CORO2B: variants seen among roughly 807,000 people sequenced by gnomAD.
CORO2B encodes the protein coronin 2B, also known as coronin-2B.
A neutral mutation model predicts 58.8 loss-of-function variants in CORO2B; 26 were observed. The ratio of observed to expected loss-of-function variants is 0.44; its 90% CI spans 0.32 to 0.61. The LOEUF (loss-of-function observed/expected upper bound fraction) is 0.61, where lower values mean the gene tolerates loss of function less well. Among genes scored for constraint, CORO2B ranks in the 20% least tolerant of loss-of-function variants. CORO2B has a pLI of 0.04. For missense variants in CORO2B, 460 were observed against 645.1 expected, an observed-to-expected ratio of 0.71 and a Z score of 3.11; for synonymous variants, 242 against 253.8, an observed-to-expected ratio of 0.95 and a Z score of 0.44.
chr15:68,531,135 C>A, the CORO2B span, among the ~76,000 whole-genome samples: 1 of 152,074 alleles, frequency 6.6e-6, no homozygotes, highest in East Asian at 1.9e-4. Flanking sequence ...TTTCCCCCAC[C>A]CATCCTTTAT....
chr15:68,671,669 C>T (rs544950253), intron 2 of CORO2B, among the ~76,000 whole-genome samples: 11 of 152,202 alleles, frequency 7.2e-5, no homozygotes, highest in Non-Finnish European at 1.2e-4. Flanking sequence ...GGCCTCACTT[C>T]CTTGCAGGCT....
the CORO2B span, among the ~76,000 whole-genome samples, chr15:68,556,603 TG>T: frequency 6.6e-6 from 1 of 152,186 alleles, no homozygotes; most frequent in African/African-American, 2.4e-5. Context: ...GTGTGTGGAG[TG>T]GCTGAAGCCC....
intron 1 of CORO2B, among the ~76,000 whole-genome samples, chr15:68,605,977 A>G (rs370825894): frequency 4.2e-4 from 63 of 150,960 alleles, no homozygotes; most frequent in African/African-American, 1.5e-3. Context: ...GCCCACCTTG[A>G]CCTCCCAAAG....
chr15:68,589,895 G>A (rs1370044565), intron 1 of CORO2B, among the ~76,000 whole-genome samples: 1 of 152,200 alleles, frequency 6.6e-6, no homozygotes, highest in East Asian at 1.9e-4. Context: ...CAACCATCAG[G>A]CTGCGGCTGC....
chr15:68,701,461 G>A (rs1290503754), intron 3 of CORO2B, among the ~76,000 whole-genome samples: 2 of 123,722 alleles, frequency 1.6e-5, no homozygotes, highest in Admixed American at 1.9e-4. Context: ...ACAGGCGCCT[G>A]CAACCACGCC....
intron 2 of CORO2B, among the ~76,000 whole-genome samples, chr15:68,677,983 C>A (rs79805870): frequency 6.6e-6 from 1 of 152,192 alleles, no homozygotes; most frequent in African/African-American, 2.4e-5. Context: ...TCCTGCCTCT[C>A]GGAGGCCTGG....
rs976683819 is a variant in CORO2B at position 68,726,039 on chromosome 15, C to T, written c.*65C>T. 1.9e-6 allele frequency: 3 copies of T among 1,593,038 alleles called. No homozygotes were observed. The highest frequency in any genetic ancestry group is 1.3e-5 in the African/African-American group (1 of 74,638). ...GTTTCTACTCATCCCTTAACTTCTC[C>T]CTTACCAGTGACCCCAGAGACAGAG... On this transcript the variant is annotated 3_prime_UTR_variant, in exon 12 of 12. Transcript: ENST00000261861.
At chr15:68,525,362 G>A in the CORO2B span, among the ~76,000 whole-genome samples, 1 of 152,176 alleles carries the variant, frequency 6.6e-6, no homozygotes, top group African/African-American at 2.4e-5. Flanking sequence ...GGAAAAGTCA[G>A]GAAGGACTAC....
At chr15:68,584,325 T>C (rs2140558802) in intron 1 of CORO2B, among the ~76,000 whole-genome samples, 1 of 152,310 alleles carries the variant, frequency 6.6e-6, no homozygotes, top group African/African-American at 2.4e-5. Flanking sequence ...AGGCCCTGTG[T>C]TCCCCTCCCC....
chr15:68,547,060 C>T, the CORO2B span, among the ~76,000 whole-genome samples: 2 of 151,968 alleles, frequency 1.3e-5, no homozygotes, highest in Non-Finnish European at 2.9e-5. Flanking sequence ...GCAGAAATCA[C>T]AGCAAATAAA....
intron 1 of CORO2B, among the ~76,000 whole-genome samples, chr15:68,605,714 T>TG (rs1900096903): frequency 8.5e-6 from 1 of 117,976 alleles, no homozygotes; most frequent in African/African-American, 3.2e-5. Flanking sequence ...CTCTTGGGTT[T>TG]TTTTTTTTTT....
At chr15:68,629,761 T>C (rs1666605290) in intron 1 of CORO2B, among the ~76,000 whole-genome samples, 1 of 151,490 alleles carries the variant, frequency 6.6e-6, no homozygotes, top group South Asian at 2.1e-4. Context: ...TTGAGAACCC[T>C]GACCTCATGA....
intron 1 of CORO2B, among the ~76,000 whole-genome samples, chr15:68,594,780 G>C (rs1899786648): frequency 6.6e-6 from 1 of 152,174 alleles, no homozygotes; most frequent in Admixed American, 6.5e-5. Context: ...GGGATTCCTG[G>C]AGAGGACAGA....
chr15:68,710,422 G>A lies in CORO2B; in HGVS notation c.334-310G>A, dbSNP rs540498622. ...CTTTTTAACACAACATTTGCTAAAA[G>A]GGGCTCATGCATGTTCTTCTTATCC... On this transcript the variant is annotated intron_variant, in intron 3 of 11. Transcript: ENST00000261861. The surrounding 1 kb of genome is among the most constrained non-coding windows in gnomAD (Gnocchi z 4.1). Among the ~76,000 whole-genome samples the A allele has an allele frequency of 6.6e-6, 1 of 152,270 alleles. No individual in the cohort carries two copies. Among genetic ancestry groups the A allele is most frequent in the African/African-American group, 2.4e-5 (1 of 41,480 alleles).
At chr15:68,669,734 T>G (rs1001244023) in intron 2 of CORO2B, among the ~76,000 whole-genome samples, 1 of 152,096 alleles carries the variant, frequency 6.6e-6, no homozygotes, top group South Asian at 2.1e-4. Context: ...AATAAATATA[T>G]TTTTCTTGGA....
intron 1 of CORO2B, among the ~76,000 whole-genome samples, chr15:68,637,396 C>T (rs543461004): frequency 9.2e-5 from 14 of 152,222 alleles, no homozygotes; most frequent in Non-Finnish European, 1.8e-4. Flanking sequence ...GGAGGGGGAA[C>T]AGATGATCAG....
chr15:68,628,587 C>A (rs549889662), intron 1 of CORO2B, among the ~76,000 whole-genome samples: 12 of 152,244 alleles, frequency 7.9e-5, no homozygotes, highest in South Asian at 4.1e-4. Flanking sequence ...ATGTATTAAG[C>A]CCATGGTATG....
chr15:68,579,853 G>T (rs1356019039), intron 1 of CORO2B, among the ~76,000 whole-genome samples: 1 of 152,270 alleles, frequency 6.6e-6, no homozygotes, highest in Non-Finnish European at 1.5e-5. Flanking sequence ...AAGATGTGGG[G>T]AGGGAATGTG....
chr15:68,546,413 C>T, the CORO2B span, among the ~76,000 whole-genome samples: 317 of 152,238 alleles, frequency 2.1e-3, 1 homozygote, highest in Non-Finnish European at 3.3e-3. Context: ...GCAAGGGATT[C>T]CAAGATTTCC....
Sources: gnomAD v4.1 joint callset for allele counts (sites outside exome capture counted in the v4.1 genomes callset) on GRCh38, gnomAD v4.1.1 for gene constraint, Gnocchi (gnomAD v3.1) non-coding constraint, MANE v1.5 for transcripts, NCBI Gene and HGNC (gene_info 2026-07-23, HGNC 2026-07-21) for gene names.